The following GNG7 variants were observed in gnomAD, a reference collection of about 807,000 sequenced individuals.
The protein encoded by GNG7 is guanine nucleotide-binding protein G(I)/G(S)/G(O) subunit gamma-7.
A neutral mutation model predicts 4.0 loss-of-function variants in GNG7; 1 was observed. The observed-to-expected ratio is 0.25, with a 90% confidence interval of 0.09 to 1.18. The LOEUF is 1.18. GNG7 is among the 50% of genes most tolerant of loss of function. The pLI is 0.50. For synonymous variants in GNG7, 34 were observed against 36.9 expected (o/e 0.92, Z 0.29); for missense variants, 86 against 91.9 (o/e 0.94, Z 0.26).
chr19:2,569,137 A>G (rs11881579), intron 2 of GNG7, among the ~76,000 whole-genome samples: 33,583 of 151,956 alleles, frequency 0.22, 3,749 homozygotes, highest in Middle Eastern at 0.26. Flanking sequence ...AGGTGCGCGC[A>G]CACACACACA....
intron 2 of GNG7, among the ~76,000 whole-genome samples, chr19:2,587,099 G>A (rs567418333): frequency 2.6e-5 from 4 of 151,576 alleles, no homozygotes; most frequent in South Asian, 4.2e-4. Flanking sequence ...GGCCCCAGAC[G>A]TCACCCGATG....
At chr19:2,530,754 C>T (rs935295238) in intron 3 of GNG7, among the ~76,000 whole-genome samples, 1 of 152,140 alleles carries the variant, frequency 6.6e-6, no homozygotes, top group Admixed American at 6.6e-5. Context: ...AATGTCAAAG[C>T]ATCTGCTCAA....
chr19:2,586,050 T>G lies in GNG7; in HGVS notation c.-77-30862A>C, dbSNP rs1980663531. Among the ~76,000 whole-genome samples, 3 of 152,172 alleles carry G rather than the reference T, an allele frequency of 2.0e-5. No homozygotes were observed. The South Asian group carries it at 6.2e-4, about 31-fold the overall frequency. Reference sequence around the variant, plus strand: ...CCTTTTTCTTTAAATCTTTGTGAGTTTTCTGAAATATTTTTTCAGCAACAA... The same window carrying G: ...CCTTTTTCTTTAAATCTTTGTGAGTGTTCTGAAATATTTTTTCAGCAACAA... On this transcript the variant is annotated intron_variant, in intron 2 of 4. Transcript: ENST00000382159.
rs1209707235 is a variant in GNG7, at chr19:2,540,887, A to G, written c.-38+14262T>C. ...GCTCTGAATTCCAAGCATAGTTCTC[A>G]TAGTTGGGAAAGTGCCACTCCCGGC... On this transcript the variant is annotated intron_variant, in intron 3 of 4. Coordinates refer to ENST00000382159, the MANE Select transcript of GNG7 (RefSeq NM_052847.3). Among the ~76,000 whole-genome samples, 5 of 152,150 alleles carry G rather than the reference A, an allele frequency of 3.3e-5. No homozygotes were observed. In the East Asian group the frequency reaches 5.8e-4, roughly 18 times the overall value.
intron 2 of GNG7, among the ~76,000 whole-genome samples, chr19:2,586,147 T>C (rs552271686): frequency 7.1e-4 from 108 of 152,220 alleles, no homozygotes; most frequent in Non-Finnish European, 1.4e-3. Context: ...ACCCCCTTTG[T>C]AGACTTGTGG....
At chr19:2,529,013 T>C (rs908463986) in intron 3 of GNG7, among the ~76,000 whole-genome samples, 5 of 152,166 alleles carry the variant, frequency 3.3e-5, no homozygotes, top group African/African-American at 1.2e-4. Flanking sequence ...CCCCGTGGAC[T>C]TGCACCCTGT....
At chr19:2,636,909 A>G (rs1982322407) in intron 2 of GNG7, among the ~76,000 whole-genome samples, 1 of 151,142 alleles carries the variant, frequency 6.6e-6, no homozygotes, top group Non-Finnish European at 1.5e-5. Flanking sequence ...CCTGAACCCA[A>G]CTACGCACAC....
Position 2,657,357 on chromosome 19 carries a change from AAAAAATATATATATATATATATAT to A in GNG7, c.-134-11101_-134-11078del, listed in dbSNP as rs1413055804. On this transcript the variant is annotated intron_variant, in intron 1 of 4. Coordinates refer to ENST00000382159, the MANE Select transcript of GNG7 (RefSeq NM_052847.3). ...TCAATTAAAAAAAAAAAAAAAAAAA[AAAAAATATATATATATATATATAT>A]ATATATATATATATATATACACATA... 6.8e-4 allele frequency among the ~76,000 whole-genome samples: 11 copies of A among 16,166 alleles called. 2 individuals carry two copies. The highest frequency in any genetic ancestry group is 1.7e-3 in the African/African-American group (11 of 6,342). 10.6% of individuals were successfully genotyped at this position (16,166 alleles called of 152,430 possible).
chr19:2,664,343 A>AAGGAAGGGGGCAGAGAGGCCTGG (rs1983250840), intron 1 of GNG7, among the ~76,000 whole-genome samples: 1 of 152,192 alleles, frequency 6.6e-6, no homozygotes, highest in Admixed American at 6.5e-5. Context: ...GCTGATTGCA[A>AAGGAAGGGGGCAGAGAGGCCTGG]AGGAAGGGGG....
intron 1 of GNG7, among the ~76,000 whole-genome samples, chr19:2,674,509 C>T (rs571122480): frequency 2.6e-5 from 4 of 152,134 alleles, no homozygotes; most frequent in East Asian, 1.9e-4. Flanking sequence ...AATCTCAGCT[C>T]GCTGCAACCT....
chr19:2,521,277 T>A (rs189842284), intron 3 of GNG7, among the ~76,000 whole-genome samples: 4 of 150,070 alleles, frequency 2.7e-5, no homozygotes, highest in Non-Finnish European at 4.4e-5. Flanking sequence ...AAAAAAAAAA[T>A]AAAGAAAAAA....
At chr19:2,563,282 C>G (rs1036109225) in intron 2 of GNG7, among the ~76,000 whole-genome samples, 2 of 152,006 alleles carry the variant, frequency 1.3e-5, no homozygotes, top group African/African-American at 4.8e-5. Flanking sequence ...AGGTCTCTCC[C>G]GTTCTGTACT....
intron 2 of GNG7, among the ~76,000 whole-genome samples, chr19:2,562,757 C>A (rs963152460): frequency 1.3e-5 from 2 of 152,138 alleles, no homozygotes; most frequent in South Asian, 4.1e-4. Context: ...AGAGACTCTG[C>A]GTCCATAATC....
chr19:2,635,056 C>T (rs925134059), intron 2 of GNG7, among the ~76,000 whole-genome samples: 7 of 152,308 alleles, frequency 4.6e-5, no homozygotes, highest in South Asian at 4.1e-4. Flanking sequence ...ACATCGGAGC[C>T]GGATTGTTCT....
rs1454022715 is a variant in GNG7, at chr19:2,626,967, C to A, written c.-78+19257G>T. Reference sequence around the variant, plus strand: ...ATTTGGGAATAAACTGAGTGTCCTCCCTACTCACACCAGACACTGGAATAA... The same window carrying A: ...ATTTGGGAATAAACTGAGTGTCCTCACTACTCACACCAGACACTGGAATAA... On this transcript the variant is annotated intron_variant, in intron 2 of 4. Coordinates refer to ENST00000382159, the MANE Select transcript of GNG7 (RefSeq NM_052847.3). This position sits in a 1 kb window ranked among gnomAD's most constrained non-coding sequence, Gnocchi z 5.0. 8.6e-5 allele frequency among the ~76,000 whole-genome samples: 13 copies of A among 152,020 alleles called. No homozygotes were observed. The highest frequency in any genetic ancestry group is 3.3e-4 in the Admixed American group (5 of 15,266).
At chr19:2,594,662 C>T (rs1980961697) in intron 2 of GNG7, among the ~76,000 whole-genome samples, 1 of 152,054 alleles carries the variant, frequency 6.6e-6, no homozygotes, top group Non-Finnish European at 1.5e-5. Flanking sequence ...GCCTGTAGAA[C>T]CTTCAGAATG....
At chr19:2,666,550 G>C (rs990482087) in intron 1 of GNG7, among the ~76,000 whole-genome samples, 4 of 152,086 alleles carry the variant, frequency 2.6e-5, no homozygotes, top group African/African-American at 9.7e-5. Flanking sequence ...GGGCTCAAGC[G>C]ATCCTCCCTG....
At chr19:2,695,779 C>A (rs1274137975) in intron 1 of GNG7, among the ~76,000 whole-genome samples, 1 of 152,118 alleles carries the variant, frequency 6.6e-6, no homozygotes, top group Non-Finnish European at 1.5e-5. Flanking sequence ...GCTGGAGAAA[C>A]CAGAGGCTGA....
At chr19:2,669,740 C>A (rs113236345) in intron 1 of GNG7, among the ~76,000 whole-genome samples, 1 of 151,696 alleles carries the variant, frequency 6.6e-6, no homozygotes. Flanking sequence ...CTGGGTGCAG[C>A]GGCTCATGCC....
Sources: allele counts gnomAD v4.1 joint callset (sites outside exome capture counted in the v4.1 genomes callset), GRCh38; gene constraint gnomAD v4.1.1; non-coding constraint Gnocchi (gnomAD v3.1); transcripts MANE v1.5; gene names NCBI Gene and HGNC (gene_info 2026-07-23, HGNC 2026-07-21).